Variants in ABL1 observed in about 807,000 individuals in gnomAD.
The protein encoded by ABL1 is tyrosine-protein kinase ABL1.
A neutral mutation model predicts 94.7 loss-of-function variants in ABL1; 11 were observed. The observed-to-expected ratio is 0.12, with a 90% CI of 0.07 to 0.19. ABL1 has a LOEUF of 0.19. Ranked by LOEUF, ABL1 falls within the 10% of genes least tolerant of loss-of-function variation. The pLI, the probability that ABL1 is intolerant of heterozygous loss-of-function variation, is 1.00. For missense variants in ABL1, 1,082 were observed against 1,489.4 expected (o/e 0.73, Z 4.50); for synonymous variants, 656 against 622.4 (o/e 1.05, Z -0.80).
intron 1 of ABL1, among the ~76,000 whole-genome samples, chr9:130,729,138 C>T (rs1831629931): frequency 6.6e-6 from 1 of 152,084 alleles, no homozygotes; most frequent in Non-Finnish European, 1.5e-5. Flanking sequence ...AGAGGGTACT[C>T]TTTAGACTTA....
intron 1 of ABL1, among the ~76,000 whole-genome samples, chr9:130,790,470 TTTATTTATTTA>T (rs1829894589): frequency 1.0e-5 from 1 of 95,804 alleles, no homozygotes; most frequent in African/African-American, 5.4e-5. Flanking sequence ...TTTTATTTTA[TTTATTTATTTA>T]TTTATTTATT....
intron 1 of ABL1, among the ~76,000 whole-genome samples, chr9:130,810,312 A>C (rs1299387392): frequency 6.6e-6 from 1 of 152,200 alleles, no homozygotes; most frequent in Non-Finnish European, 1.5e-5. Flanking sequence ...CCTAGCCAAC[A>C]TGGTGAAACC....
upstream of ABL1, among the ~76,000 whole-genome samples, chr9:130,832,269 C>G (rs1294838426): frequency 6.6e-6 from 1 of 151,574 alleles, no homozygotes; most frequent in African/African-American, 2.4e-5. Context: ...ATTACAGATG[C>G]CCGCTACCAC....
At chr9:130,757,108 C>G (rs952272890) in intron 1 of ABL1, among the ~76,000 whole-genome samples, 1 of 152,152 alleles carries the variant, frequency 6.6e-6, no homozygotes, top group African/African-American at 2.4e-5. Context: ...AAGTGAAGAA[C>G]CTGAGGCCGG....
At chr9:130,807,536 G>A (rs763476048) in intron 1 of ABL1, among the ~76,000 whole-genome samples, 1 of 151,620 alleles carries the variant, frequency 6.6e-6, no homozygotes, top group Admixed American at 6.6e-5. Flanking sequence ...TACCACGCCT[G>A]GTCTTCTAAT....
chr9:130,863,097 C>A lies in ABL1; in HGVS notation c.822+62C>A. ...GGGCAAGGCGTCTGCTGGCATTAGG[C>A]GATGCATCTGCCTGGAAGTCTACCT... On this transcript the variant is annotated intron_variant, in intron 4 of 10. Coordinates refer to ENST00000318560, the MANE Select transcript of ABL1 (RefSeq NM_005157.6). This position sits in a 1 kb window ranked among gnomAD's most constrained non-coding sequence, Gnocchi z 4.3. 1 of 1,498,358 alleles carries A rather than the reference C, an allele frequency of 6.7e-7. No individual in the cohort carries two copies. Among genetic ancestry groups the A allele is most frequent in the East Asian group, 2.4e-5 (1 of 42,042 alleles). The allele number at this position is 1,498,358 out of a possible 1,614,324, so 92.8% of individuals were successfully genotyped here. A position where few individuals can be genotyped will look rare whatever the true frequency, so the allele number is the denominator to read the frequency against.
At chr9:130,733,501 A>G (rs1831692347) in intron 1 of ABL1, among the ~76,000 whole-genome samples, 1 of 151,166 alleles carries the variant, frequency 6.6e-6, no homozygotes, top group Admixed American at 6.6e-5. Flanking sequence ...TCCTGGGCTC[A>G]GGTGATTCTC....
intron 6 of ABL1, among the ~76,000 whole-genome samples, chr9:130,874,264 C>T (rs1831304392): frequency 6.6e-6 from 1 of 152,100 alleles, no homozygotes; most frequent in African/African-American, 2.4e-5. Flanking sequence ...TGAGAGGAAG[C>T]AGATTATACA....
chr9:130,875,294 A>G (rs954752027), intron 7 of ABL1, among the ~76,000 whole-genome samples: 5 of 152,060 alleles, frequency 3.3e-5, no homozygotes, highest in African/African-American at 1.2e-4. Flanking sequence ...GGCACCCGCC[A>G]CCACACCCAG....
At chr9:130,807,196 T>A (rs1830137132) in intron 1 of ABL1, among the ~76,000 whole-genome samples, 1 of 152,198 alleles carries the variant, frequency 6.6e-6, no homozygotes, top group Non-Finnish European at 1.5e-5. Context: ...TGGTATTCTA[T>A]TGTGTGAGTA....
intron 1 of ABL1, among the ~76,000 whole-genome samples, chr9:130,850,932 GTTTGTTTT>G (rs1564311002): frequency 1.3e-5 from 2 of 151,420 alleles, no homozygotes; most frequent in East Asian, 3.9e-4. Flanking sequence ...TTGTTTGTTT[GTTTGTTTT>G]TTTGAGAGAG....
At chr9:130,822,015 T>G (rs1830369746) in intron 1 of ABL1, among the ~76,000 whole-genome samples, 1 of 152,154 alleles carries the variant, frequency 6.6e-6, no homozygotes, top group Non-Finnish European at 1.5e-5. Context: ...ATTTTTTGTA[T>G]TTTTAGTAGA....
intron 1 of ABL1, among the ~76,000 whole-genome samples, chr9:130,773,335 T>A (rs562035529): frequency 3.3e-5 from 5 of 151,788 alleles, no homozygotes; most frequent in African/African-American, 1.2e-4. Context: ...TAAAAAAAAA[T>A]TTAAAAAATA....
At chr9:130,787,418 C>T (rs375961351) in intron 1 of ABL1, among the ~76,000 whole-genome samples, 3 of 152,080 alleles carry the variant, frequency 2.0e-5, no homozygotes, top group Non-Finnish European at 4.4e-5. Context: ...CCCCCCAACC[C>T]CACCCGAAGC....
At chr9:130,808,318 A>G (rs1249732653) in intron 1 of ABL1, among the ~76,000 whole-genome samples, 1 of 147,444 alleles carries the variant, frequency 6.8e-6, no homozygotes, top group Non-Finnish European at 1.5e-5. Context: ...ATCTCGGCTC[A>G]CTGCAACCTC....
intron 1 of ABL1, among the ~76,000 whole-genome samples, chr9:130,844,185 G>C (rs192256524): frequency 6.6e-6 from 1 of 152,186 alleles, no homozygotes; most frequent in Non-Finnish European, 1.5e-5. Context: ...ACCTGGTCAG[G>C]TCTGCATTTG....
intron 1 of ABL1, among the ~76,000 whole-genome samples, chr9:130,801,352 C>T (rs576367030): frequency 3.9e-5 from 6 of 152,248 alleles, no homozygotes; most frequent in East Asian, 1.9e-4. Context: ...CTCAGCCTCC[C>T]GAGCAGCTGG....
At chr9:130,762,029 G>C (rs1427418813) in intron 1 of ABL1, among the ~76,000 whole-genome samples, 1 of 151,938 alleles carries the variant, frequency 6.6e-6, no homozygotes, top group Non-Finnish European at 1.5e-5. Flanking sequence ...TGTAATCCCA[G>C]CTACTTGGGA....
At chr9:130,768,805 AAATAT>A (rs1832215957) in intron 1 of ABL1, among the ~76,000 whole-genome samples, 1 of 152,208 alleles carries the variant, frequency 6.6e-6, no homozygotes, top group South Asian at 2.1e-4. Context: ...GAAGTAACTT[AAATAT>A]TTGTTCATTG....
Sources: gnomAD v4.1 joint callset for allele counts (sites outside exome capture counted in the v4.1 genomes callset) on GRCh38, gnomAD v4.1.1 for gene constraint, Gnocchi (gnomAD v3.1) non-coding constraint, MANE v1.5 for transcripts, NCBI Gene and HGNC (gene_info 2026-07-23, HGNC 2026-07-21) for gene names.